AGGF1: variants seen among roughly 807,000 people sequenced by gnomAD.
AGGF1 encodes angiogenic factor with G-patch and FHA domains 1, also known as angiogenic factor with G patch and FHA domains 1.
Under a neutral mutation model 86.5 loss-of-function variants are expected in AGGF1, and 56 were observed. The observed-to-expected ratio is 0.65, with a 90% CI of 0.52 to 0.81. The LOEUF (loss-of-function observed/expected upper bound fraction) is 0.81, where lower values mean the gene tolerates loss of function less well. Ranked by LOEUF, AGGF1 falls within the 30% of genes least tolerant of loss-of-function variation. The probability of loss-of-function intolerance (pLI) is 0.00; values close to 1 mark genes in which losing one functional copy is unlikely to be tolerated. For missense variants in AGGF1, 816 were observed against 850.9 expected (o/e 0.96, Z 0.51); for synonymous variants, 313 against 297.1 (o/e 1.05, Z -0.55).
Position 77,054,080 on chromosome 5 carries a change from C to A in AGGF1, c.1583C>A (p.Pro528Gln). ...AGTGATACCTGTGATGGCTGTGAAC[C>A]AGGGCAGGTTAGAGCCCACCTTCGC... ...PGSDTCDGCEPGQVRAHLRLD... is the reference protein window; with the variant it reads ...PGSDTCDGCEQGQVRAHLRLD... Residue 528 changes from proline to glutamine, a missense_variant, in exon 10 of 14, where the codon CCA (proline) becomes CAA (glutamine). Transcript: ENST00000312916. The A allele has an allele frequency of 6.2e-7, 1 of 1,614,110 alleles. No homozygotes were observed. Among genetic ancestry groups the A allele is most frequent in the Non-Finnish European group, 8.5e-7 (1 of 1,180,010 alleles).
intron 4 of AGGF1, among the ~76,000 whole-genome samples, chr5:77,038,589 A>T (rs1343678025): frequency 5.3e-5 from 8 of 152,206 alleles, no homozygotes. Flanking sequence ...TTCTTAGTTA[A>T]GAGAAAGATG....
intron 4 of AGGF1, among the ~76,000 whole-genome samples, chr5:77,038,462 A>C (rs551587044): frequency 6.6e-6 from 1 of 152,206 alleles, no homozygotes; most frequent in South Asian, 2.1e-4. Context: ...TATTTTAATA[A>C]ATTTTTTTTA....
intron 2 of AGGF1, 28 bp downstream of exon 2, chr5:77,034,548 A>G (rs768069013): frequency 3.2e-5 from 44 of 1,380,478 alleles, no homozygotes; most frequent in Non-Finnish European, 4.3e-5. Flanking sequence ...AGGATATGCT[A>G]ACACTGTTAC....
Position 77,046,336 on chromosome 5 carries a change from C to A in AGGF1, c.871-11C>A. The A allele has an allele frequency of 1.2e-6, 2 of 1,607,424 alleles. No homozygotes were observed. The highest frequency in any genetic ancestry group is 1.7e-4 in the Middle Eastern group (1 of 5,958). On this transcript the variant is annotated splice_polypyrimidine_tract_variant and intron_variant, in intron 5 of 13. Transcript: ENST00000312916. ...TCCCCTGTTCCCTCGTATCTACCCA[C>A]CCTTCTCCAGGATTTGAACTCAGAG...
At chr5:77,032,602 A>G (rs1002574205) in intron 1 of AGGF1, among the ~76,000 whole-genome samples, 1 of 151,842 alleles carries the variant, frequency 6.6e-6, no homozygotes, top group Non-Finnish European at 1.5e-5. Context: ...AGACGGGAGC[A>G]AAATATAACA....
chr5:77,057,806 T>C (rs1278895099), intron 11 of AGGF1, among the ~76,000 whole-genome samples: 1 of 152,198 alleles, frequency 6.6e-6, no homozygotes, highest in Admixed American at 6.5e-5. Flanking sequence ...GCTAAAATGT[T>C]GAAGGACATC....
chr5:77,043,537 G>A (rs1747176387), intron 5 of AGGF1, among the ~76,000 whole-genome samples: 1 of 140,368 alleles, frequency 7.1e-6, no homozygotes, highest in Non-Finnish European at 1.6e-5. Context: ...GCGGGGGGCT[G>A]ACCCCCCCAC....
At chr5:77,038,981 AT>A (rs1747015006) in intron 4 of AGGF1, among the ~76,000 whole-genome samples, 1 of 152,110 alleles carries the variant, frequency 6.6e-6, no homozygotes, top group Non-Finnish European at 1.5e-5. Context: ...ATAGAATGTT[AT>A]TTTTTGGTAT....
At chr5:77,046,798 T>TA (rs1747263823) in intron 6 of AGGF1, 121 bp downstream of exon 6, 1 of 1,014,888 alleles carries the variant, frequency 9.9e-7, no homozygotes, top group Admixed American at 2.0e-5. Context: ...ATTTTAATGA[T>TA]GTTATTGAAA....
intron 11 of AGGF1, among the ~76,000 whole-genome samples, chr5:77,057,611 A>G (rs970910592): frequency 3.3e-5 from 5 of 152,230 alleles, no homozygotes; most frequent in Admixed American, 1.3e-4. Flanking sequence ...CTTACTACTT[A>G]CAAATAGTGA....
chr5:77,032,051 C>G (rs1472570701), intron 1 of AGGF1, among the ~76,000 whole-genome samples: 1 of 151,892 alleles, frequency 6.6e-6, no homozygotes, highest in Non-Finnish European at 1.5e-5. Flanking sequence ...TTCCTAAAAC[C>G]AGTATATAGG....
At chr5:77,058,718 G>T (rs763784834) in intron 11 of AGGF1, among the ~76,000 whole-genome samples, 1 of 152,142 alleles carries the variant, frequency 6.6e-6, no homozygotes, top group African/African-American at 2.4e-5. Flanking sequence ...CTCTCTGGAT[G>T]AGTATCATAC....
chr5:77,030,537 A>T lies in AGGF1; in HGVS notation c.-230A>T, dbSNP rs1189911555. The stretch of plus-strand genomic sequence containing the variant: ...TTTCCAGGAAAGTTTTCCGGTTTGC[A>T]GGCCGCGCACATCGGGCAGGGGCCA... On this transcript the variant is annotated 5_prime_UTR_variant, in exon 1 of 14. Transcript: ENST00000312916. The T allele has an allele frequency of 4.3e-6, 3 of 692,328 alleles. No homozygotes were observed. Among genetic ancestry groups the T allele is most frequent in the Non-Finnish European group, 7.9e-6 (3 of 379,882 alleles). 42.9% of individuals were successfully genotyped at this position (692,328 alleles called of 1,614,324 possible). A position where few individuals can be genotyped will look rare whatever the true frequency, so the allele number is the denominator to read the frequency against.
chr5:77,044,584 C>T (rs987418643), intron 5 of AGGF1, among the ~76,000 whole-genome samples: 1 of 152,068 alleles, frequency 6.6e-6, no homozygotes, highest in Non-Finnish European at 1.5e-5. Flanking sequence ...ATAGCTTTCC[C>T]TGCATATGTT....
intron 9 of AGGF1, 33 bp from the exon 10 acceptor site, chr5:77,053,932 T>A: frequency 6.2e-7 from 1 of 1,609,048 alleles, no homozygotes; most frequent in Non-Finnish European, 8.5e-7. Flanking sequence ...GTGATTGTTT[T>A]GATTTCTGTT....
intron 3 of AGGF1, chr5:77,035,950 T>C: frequency 1.9e-6 from 1 of 533,990 alleles, no homozygotes; most frequent in South Asian, 2.2e-5. Context: ...TCCTACTACA[T>C]TGTGTTCCAA....
Position 77,046,614 on chromosome 5 carries a change from G to A in AGGF1, c.1138G>A (p.Asp380Asn), listed in dbSNP as rs916609348. Residue 380 changes from aspartate (D) to asparagine (N), a missense_variant, in exon 6 of 14, where the codon GAT (aspartate) becomes AAT (asparagine). Transcript: ENST00000312916. ...TGAAATTACAGACTCTCAGACTGAG[G>A]ATAGTTATGACGAAGCCATTACCAG... Reference protein sequence around the residue: ...EGEITDSQTEDSYDEAITSEG... With the variant: ...EGEITDSQTENSYDEAITSEG... 1.2e-6 allele frequency: 2 copies of A among 1,613,924 alleles called. No homozygotes were observed. Among genetic ancestry groups the A allele is most frequent in the East Asian group, 2.2e-5 (1 of 44,880 alleles).
chr5:77,043,186 A>AC (rs1747157586), intron 5 of AGGF1, among the ~76,000 whole-genome samples: 1 of 47,962 alleles, frequency 2.1e-5, no homozygotes, highest in African/African-American at 8.1e-5. Flanking sequence ...CGGGGGGCTG[A>AC]CCCCCCCACC....
In AGGF1 at chr5:77,042,564, G is replaced by A. The variant is rs1236569116; in HGVS notation, c.870+2845G>A. 1.5e-4 allele frequency among the ~76,000 whole-genome samples: 11 copies of A among 71,680 alleles called. 1 individual carries two copies. The highest frequency in any genetic ancestry group is 4.7e-4 in the African/African-American group (11 of 23,418). The allele number at this position is 71,680 out of a possible 152,430, so 47.0% of individuals were successfully genotyped here. On this transcript the variant is annotated intron_variant, in intron 5 of 13. Coordinates refer to ENST00000312916, the MANE Select transcript of AGGF1 (RefSeq NM_018046.5). ...GCGCCCCTCACCTCCCGGACGGGGC[G>A]GCTGGCCGGGCGGGGGGGCTGACCC...
Sources: gnomAD v4.1 joint callset for allele counts (sites outside exome capture counted in the v4.1 genomes callset) on GRCh38, gnomAD v4.1.1 for gene constraint, MANE v1.5 for transcripts, NCBI Gene and HGNC (gene_info 2026-07-23, HGNC 2026-07-21) for gene names.